Variants in GPHN observed in about 807,000 individuals in gnomAD.
GPHN encodes gephyrin.
GPHN carries 17 observed loss-of-function variants against 95.5 expected under a neutral mutation model. The observed-to-expected ratio is 0.18, with a 90% confidence interval of 0.12 to 0.27. GPHN has a LOEUF of 0.27. Among genes scored for constraint, GPHN ranks in the 10% least tolerant of loss-of-function variants. The probability of loss-of-function intolerance (pLI) is 1.00; values close to 1 mark genes in which losing one functional copy is unlikely to be tolerated. For synonymous variants in GPHN, 320 were observed against 322.5 expected, an observed-to-expected ratio of 0.99 and a Z score of 0.08; for missense variants, 660 against 978.1, an observed-to-expected ratio of 0.67 and a Z score of 4.34.
the GPHN span, chr14:67,301,992 T>C: frequency 3.1e-6 from 5 of 1,600,802 alleles, no homozygotes; most frequent in Admixed American, 1.8e-5. Context: ...TGGCCCACGA[T>C]AAGGTTGCTG....
chr14:66,584,165 A>C (rs1251778055), intron 1 of GPHN, among the ~76,000 whole-genome samples: 1 of 151,988 alleles, frequency 6.6e-6, no homozygotes, highest in Non-Finnish European at 1.5e-5. Flanking sequence ...ATGGGAGTTC[A>C]CTCATGATTT....
intron 4 of GPHN, among the ~76,000 whole-genome samples, chr14:66,853,386 A>T (rs2062674059): frequency 6.6e-6 from 1 of 152,200 alleles, no homozygotes; most frequent in South Asian, 2.1e-4. Flanking sequence ...AAAGATGAGA[A>T]TAGTATGTAT....
At chr14:67,731,609 TATC>T in the GPHN span, among the ~76,000 whole-genome samples, 1 of 152,014 alleles carries the variant, frequency 6.6e-6, no homozygotes, top group Non-Finnish European at 1.5e-5. Flanking sequence ...AGTCATTAAA[TATC>T]ATATTTTAAT....
intron 10 of GPHN, among the ~76,000 whole-genome samples, chr14:67,033,040 A>G (rs1249429074): frequency 6.6e-6 from 1 of 152,220 alleles, no homozygotes; most frequent in African/African-American, 2.4e-5. Flanking sequence ...CAGGAAACCA[A>G]TGAATGGACA....
At chr14:67,684,466 T>C in the GPHN span, 2 of 152,306 alleles carry the variant, frequency 1.3e-5, no homozygotes, top group Non-Finnish European at 2.9e-5. Flanking sequence ...CTATTTTATC[T>C]AACCCTGTGT....
chr14:67,442,335 G>A, the GPHN span, among the ~76,000 whole-genome samples: 2 of 152,254 alleles, frequency 1.3e-5, no homozygotes, highest in Middle Eastern at 3.4e-3. Context: ...TCAGTGGGTT[G>A]GCCAGAATGG....
At chr14:67,517,919 T>A in the GPHN span, among the ~76,000 whole-genome samples, 1 of 152,202 alleles carries the variant, frequency 6.6e-6, no homozygotes, top group Non-Finnish European at 1.5e-5. Context: ...ACATTTGACA[T>A]AAGATCAGGG....
chr14:67,453,632 T>G, the GPHN span, among the ~76,000 whole-genome samples: 3 of 152,194 alleles, frequency 2.0e-5, no homozygotes, highest in African/African-American at 4.8e-5. Flanking sequence ...TGTCCCTGTC[T>G]CAGAAACTAT....
chr14:67,439,121 G>A, the GPHN span, among the ~76,000 whole-genome samples: 3 of 152,154 alleles, frequency 2.0e-5, no homozygotes, highest in Non-Finnish European at 4.4e-5. Context: ...AAAGTCCAAA[G>A]CACACTGGAT....
intron 20 of GPHN, among the ~76,000 whole-genome samples, chr14:67,168,533 C>T (rs2082412242): frequency 1.3e-5 from 2 of 151,918 alleles, no homozygotes; most frequent in South Asian, 4.2e-4. Flanking sequence ...AGTTTGGGAA[C>T]CAAGCTTGTA....
chr14:67,529,649 C>G, the GPHN span, among the ~76,000 whole-genome samples: 1 of 152,180 alleles, frequency 6.6e-6, no homozygotes, highest in Non-Finnish European at 1.5e-5. Context: ...TCACTGCCTT[C>G]CTAGCCCCAC....
intron 2 of GPHN, among the ~76,000 whole-genome samples, chr14:66,741,605 TGGCAGC>T (rs993343994): frequency 6.6e-6 from 1 of 152,204 alleles, no homozygotes; most frequent in Non-Finnish European, 1.5e-5. Flanking sequence ...GTTGGATAGG[TGGCAGC>T]TGTTGTTACA....
intron 4 of GPHN, among the ~76,000 whole-genome samples, chr14:66,831,825 G>A (rs892669977): frequency 1.3e-5 from 2 of 152,140 alleles, no homozygotes. Context: ...ACTCTTTTAA[G>A]CATATGTTAA....
the GPHN span, among the ~76,000 whole-genome samples, chr14:67,630,671 C>G: frequency 6.6e-6 from 1 of 152,172 alleles, no homozygotes; most frequent in African/African-American, 2.4e-5. Flanking sequence ...CCTCCGCCTC[C>G]CAGGTTCAAG....
At chr14:66,703,478 G>C (rs945995480) in intron 2 of GPHN, among the ~76,000 whole-genome samples, 1 of 152,138 alleles carries the variant, frequency 6.6e-6, no homozygotes, top group African/African-American at 2.4e-5. Context: ...GAAGAGATTG[G>C]GGGCCAATAT....
the GPHN span, chr14:67,690,473 G>C: frequency 1.1e-5 from 17 of 1,532,614 alleles, no homozygotes. Context: ...AGGAATGACA[G>C]GAGTCGTGGT....
chr14:67,579,284 C>T, the GPHN span: 309 of 1,564,038 alleles, frequency 2.0e-4, 1 homozygote, highest in South Asian at 2.2e-3. Context: ...TCAGCATCCC[C>T]GTGCACTTTA....
intron 1 of GPHN, among the ~76,000 whole-genome samples, chr14:66,666,402 C>T (rs900097016): frequency 1.3e-5 from 2 of 151,134 alleles, no homozygotes; most frequent in African/African-American, 2.4e-5. Context: ...TAAATAAAAA[C>T]ATTTTTTAAT....
At chr14:67,110,625 C>A (rs2078312313) in intron 14 of GPHN, among the ~76,000 whole-genome samples, 1 of 152,152 alleles carries the variant, frequency 6.6e-6, no homozygotes, top group African/African-American at 2.4e-5. Context: ...GGTTGACATA[C>A]CTTCCAGCTG....
Sources: allele counts gnomAD v4.1 joint callset (sites outside exome capture counted in the v4.1 genomes callset), GRCh38; gene constraint gnomAD v4.1.1; transcripts MANE v1.5; gene names NCBI Gene and HGNC (gene_info 2026-07-23, HGNC 2026-07-21).